Variants in PTPRQ observed in about 807,000 individuals in gnomAD.
The protein encoded by PTPRQ is protein tyrosine phosphatase receptor type Q, also known as phosphatidylinositol phosphatase PTPRQ.
A neutral mutation model predicts 246.0 loss-of-function variants in PTPRQ; 199 were observed. That is an observed-to-expected ratio of 0.81 (90% CI 0.72 to 0.91). The LOEUF is 0.91. PTPRQ is among the 40% of genes least tolerant of loss of function. PTPRQ has a pLI of 0.00. For missense variants in PTPRQ, 2,624 were observed against 2,528.4 expected, an observed-to-expected ratio of 1.04 and a Z score of -0.81; for synonymous variants, 869 against 853.2, an observed-to-expected ratio of 1.02 and a Z score of -0.32.
intron 7 of PTPRQ, among the ~76,000 whole-genome samples, chr12:80,471,394 C>T (rs1893619845): frequency 6.7e-6 from 1 of 149,172 alleles, no homozygotes; most frequent in Non-Finnish European, 1.5e-5. Context: ...TGCTGACAGA[C>T]TAAGGAATTT....
intron 17 of PTPRQ, among the ~76,000 whole-genome samples, chr12:80,529,434 AACTAAGACTATG>A: frequency 6.6e-6 from 1 of 152,176 alleles, no homozygotes. Context: ...TAAAGATTAA[AACTAAGACTATG>A]ACTTTTCAAA....
At chr12:80,593,812 T>C (rs1897880217) in intron 26 of PTPRQ, 1 of 152,090 alleles carries the variant, frequency 6.6e-6, no homozygotes, top group African/African-American at 2.4e-5. Flanking sequence ...TGGTGCACAA[T>C]AGATACTTAT....
At position 80,585,903 on chromosome 12, in the gene PTPRQ, T is replaced by G. The variant is rs1356442219; in HGVS notation, c.4286-2226T>G. Among the ~76,000 whole-genome samples, 41 of 104,660 alleles carry G rather than the reference T, an allele frequency of 3.9e-4. 1 individual carries two copies. Among genetic ancestry groups the G allele is most frequent in the African/African-American group, 1.3e-3 (34 of 26,040 alleles). 68.7% of individuals were successfully genotyped at this position (104,660 alleles called of 152,430 possible). A position where few individuals can be genotyped will look rare whatever the true frequency, so the allele number is the denominator to read the frequency against. On this transcript the variant is annotated intron_variant, in intron 25 of 44. Transcript: ENST00000644991. ...CCCCCCTCCCCCCACCCCACAACAG[T>G]CCCCAGAGTGTGATGTTCCCCTTCC...
Position 80,506,206 on chromosome 12 carries a change from G to A in PTPRQ, c.2455G>A (p.Val819Ile), listed in dbSNP as rs1894955190. Residue 819 changes from valine to isoleucine, a missense_variant and splice_region_variant, in exon 15 of 45, where the codon GTA becomes ATA. Transcript: ENST00000644991. Reference sequence around the variant, plus strand: ...AACCTCTTTAACCCAAAACATTAAAGGTAAAAGAACAAATCTAATATTGGA... The same window carrying A: ...AACCTCTTTAACCCAAAACATTAAAAGTAAAAGAACAAATCTAATATTGGA... ...NTTSLTQNIKVLKKYTQYIIE... is the reference protein window; with the variant it reads ...NTTSLTQNIKILKKYTQYIIE... The A allele has an allele frequency of 1.4e-6, 2 of 1,469,588 alleles. No individual in the cohort carries two copies. The highest frequency in any genetic ancestry group is 1.8e-6 in the Non-Finnish European group (2 of 1,110,414). 91.0% of individuals were successfully genotyped at this position (1,469,588 alleles called of 1,614,324 possible). A position where few individuals can be genotyped will look rare whatever the true frequency, so the allele number is the denominator to read the frequency against.
chr12:80,473,047 G>GCGCACACA (rs758446731), intron 8 of PTPRQ, among the ~76,000 whole-genome samples: 1 of 145,574 alleles, frequency 6.9e-6, no homozygotes, highest in African/African-American at 2.6e-5. Flanking sequence ...TCACACACAC[G>GCGCACACA]CACACACACA....
intron 17 of PTPRQ, among the ~76,000 whole-genome samples, chr12:80,517,580 G>T (rs1211846558): frequency 1.3e-5 from 2 of 151,724 alleles, no homozygotes. Context: ...CTGTTGCACT[G>T]TCAAATACTA....
intron 28 of PTPRQ, 30 bp from the exon 29 acceptor site, chr12:80,613,562 A>T (rs1346791656): frequency 1.2e-5 from 18 of 1,465,938 alleles, no homozygotes; most frequent in African/African-American, 2.9e-5. Context: ...CAATATTTTT[A>T]AAAATTAATT....
intron 3 of PTPRQ, chr12:80,454,599 T>C (rs1299754452): frequency 7.1e-6 from 5 of 701,438 alleles, no homozygotes; most frequent in African/African-American, 1.7e-5. Flanking sequence ...ATGTTGGCTG[T>C]GGTTTGTCAT....
At chr12:80,676,352 T>A (rs1415555853) in intron 43 of PTPRQ, among the ~76,000 whole-genome samples, 2 of 152,130 alleles carry the variant, frequency 1.3e-5, no homozygotes, top group African/African-American at 4.8e-5. Context: ...CAAAAAACAA[T>A]GCACTGGGCA....
chr12:80,541,337 A>G (rs867171957), intron 20 of PTPRQ, among the ~76,000 whole-genome samples: 3 of 152,112 alleles, frequency 2.0e-5, no homozygotes, highest in Non-Finnish European at 4.4e-5. Flanking sequence ...AACAATTCCC[A>G]TACATATTAA....
chr12:80,669,588 G>A, intron 41 of PTPRQ, 124 bp downstream of exon 41: 1 of 1,331,908 alleles, frequency 7.5e-7, no homozygotes, highest in Non-Finnish European at 9.8e-7. Flanking sequence ...CAATGCTTTT[G>A]TATTGTCTTC....
At chr12:80,501,616 A>C (rs1465211803) in intron 14 of PTPRQ, among the ~76,000 whole-genome samples, 9 of 151,952 alleles carry the variant, frequency 5.9e-5, no homozygotes. Flanking sequence ...CAACAGGGGG[A>C]GACGTTAAGA....
In PTPRQ at chr12:80,613,681, C is replaced by T. The variant is rs1338820347; in HGVS notation, c.5008C>T (p.Pro1670Ser). ...ATTAACGTTCCTTCCTCCTTCTCAA[C>T]CTAATGGAAATATCCAAGTATATCA... ...FQLTFLPPSQ[P>S]NGNIQVYQAL... is the part of the protein sequence containing the mutation. Residue 1670 changes from proline to serine, a missense_variant, in exon 29 of 45, where the codon CCT (proline) becomes TCT (serine). By Grantham distance (74) the Pro-to-Ser change is moderately conservative. Coordinates refer to ENST00000644991, the MANE Select transcript of PTPRQ (RefSeq NM_001145026.2). 1 of 1,546,008 alleles carries T rather than the reference C, an allele frequency of 6.5e-7. No homozygotes were observed. Among genetic ancestry groups the T allele is most frequent in the Non-Finnish European group, 8.7e-7 (1 of 1,143,220 alleles).
At position 80,619,369 on chromosome 12, in the gene PTPRQ, C is replaced by T. The variant is rs1380885654; in HGVS notation, c.5231-15C>T. The T allele has an allele frequency of 6.5e-7, 1 of 1,543,476 alleles. No homozygotes were observed. The highest frequency in any genetic ancestry group is 8.8e-7 in the Non-Finnish European group (1 of 1,142,536). ...AATAACATCAATTGCAGTGATATTTCTTCTTTGTTTATAGCTCCAGCACGA... is the reference window on the plus strand; with the variant it reads ...AATAACATCAATTGCAGTGATATTTTTTCTTTGTTTATAGCTCCAGCACGA... On this transcript the variant is annotated splice_polypyrimidine_tract_variant and intron_variant, in intron 30 of 44. Coordinates refer to ENST00000644991, the MANE Select transcript of PTPRQ (RefSeq NM_001145026.2).
intron 6 of PTPRQ, among the ~76,000 whole-genome samples, chr12:80,464,073 C>T (rs546650594): frequency 6.6e-6 from 1 of 151,824 alleles, no homozygotes; most frequent in African/African-American, 2.4e-5. Flanking sequence ...CACAGACTGG[C>T]AAATTAGATA....
intron 8 of PTPRQ, among the ~76,000 whole-genome samples, chr12:80,483,478 T>C (rs1424411357): frequency 6.6e-6 from 1 of 151,566 alleles, no homozygotes; most frequent in Non-Finnish European, 1.5e-5. Flanking sequence ...TATACATATG[T>C]AACTAACCTG....
intron 6 of PTPRQ, among the ~76,000 whole-genome samples, chr12:80,464,172 A>C (rs989503694): frequency 1.5e-4 from 23 of 150,382 alleles, no homozygotes; most frequent in African/African-American, 5.6e-4. Context: ...GGATGGAGGA[A>C]GATCTACCAA....
chr12:80,648,899 T>G lies in PTPRQ; in HGVS notation c.5918T>G (p.Leu1973Ter). Residue 1973 changes from leucine to a stop codon, truncating the protein, a stop_gained and splice_region_variant, in exon 36 of 45, where the codon TTA (leucine) becomes TGA (stop). Coordinates refer to ENST00000644991, the MANE Select transcript of PTPRQ (RefSeq NM_001145026.2). LOFTEE classifies it high-confidence loss of function. ...ATTTAACACAATCTCTATTGCAGGT[T>G]ACTTAGTTATAGAAAATCCATCAAG... ...LELKDERLTR[L>*]LSYRKSIKPI... The G allele has an allele frequency of 6.5e-7, 1 of 1,529,738 alleles. No homozygotes were observed. The highest frequency in any genetic ancestry group is 8.8e-7 in the Non-Finnish European group (1 of 1,138,110). 94.8% of individuals were successfully genotyped at this position (1,529,738 alleles called of 1,614,324 possible).
chr12:80,494,855 T>TA (rs1441979368), intron 10 of PTPRQ, 78 bp from the exon 11 acceptor site: 33 of 1,431,996 alleles, frequency 2.3e-5, no homozygotes, highest in Non-Finnish European at 2.9e-5. Context: ...TTTAAGATTT[T>TA]ATAGTCTAAG....
Sources: gnomAD v4.1 joint callset for allele counts (sites outside exome capture counted in the v4.1 genomes callset) on GRCh38, gnomAD v4.1.1 for gene constraint, MANE v1.5 for transcripts, NCBI Gene and HGNC (gene_info 2026-07-23, HGNC 2026-07-21) for gene names.